Variants in TFAP2D observed in about 807,000 individuals in gnomAD.
The protein encoded by TFAP2D is transcription factor AP-2 delta, also known as transcription factor AP-2-delta.
TFAP2D carries 9 observed loss-of-function variants against 43.6 expected under a neutral mutation model. That is an observed-to-expected ratio of 0.21 (90% CI 0.12 to 0.36). TFAP2D has a LOEUF of 0.36. Ranked by LOEUF, TFAP2D falls within the 10% of genes least tolerant of loss-of-function variation. The pLI is 1.00. For synonymous variants in TFAP2D, 256 were observed against 224.9 expected (o/e 1.14, Z -1.24); for missense variants, 513 against 561.4 (o/e 0.91, Z 0.87).
In TFAP2D at chr6:50,713,842, G is replaced by A; in HGVS notation, c.-214G>A. The stretch of plus-strand genomic sequence containing the variant: ...AAATCTGTTCCAGGGAGCTGCTTTT[G>A]TGCAGAGGGAAAATTTTGTTCCTAC... On this transcript the variant is annotated 5_prime_UTR_variant, in exon 1 of 8. In the 5' UTR this introduces an upstream ATG that the reference lacks. Coordinates refer to ENST00000008391, the MANE Select transcript of TFAP2D (RefSeq NM_172238.4). The A allele has an allele frequency of 1.6e-6, 1 of 642,862 alleles. No homozygotes were observed. The highest frequency in any genetic ancestry group is 2.6e-6 in the Non-Finnish European group (1 of 378,104). The allele number at this position is 642,862 out of a possible 1,614,324, so 39.8% of individuals were successfully genotyped here.
At chr6:50,751,966 A>G (rs534600509) in intron 7 of TFAP2D, among the ~76,000 whole-genome samples, 5 of 152,004 alleles carry the variant, frequency 3.3e-5, no homozygotes, top group South Asian at 4.1e-4. Context: ...GCACTTTTGG[A>G]TGAGGGTTCT....
intron 5 of TFAP2D, among the ~76,000 whole-genome samples, chr6:50,738,515 A>C (rs1291351737): frequency 6.6e-6 from 1 of 151,972 alleles, no homozygotes; most frequent in Non-Finnish European, 1.5e-5. Context: ...ATGTGGTTTC[A>C]TTTTTCTATG....
chr6:50,763,728 T>G (rs1769401597), intron 7 of TFAP2D, among the ~76,000 whole-genome samples: 1 of 152,142 alleles, frequency 6.6e-6, no homozygotes, highest in Admixed American at 6.5e-5. Flanking sequence ...AAAATTATTA[T>G]ACTAAATGAA....
intron 7 of TFAP2D, among the ~76,000 whole-genome samples, chr6:50,757,533 CTA>C (rs5876187): frequency 0.087 from 4,440 of 50,870 alleles, 525 homozygotes; most frequent in East Asian, 0.2. Context: ...TATAATTATT[CTA>C]TATATATAGA....
chr6:50,772,782 G>C lies in TFAP2D; in HGVS notation c.1277G>C (p.Gly426Ala). 1 of 1,614,106 alleles carries C rather than the reference G, an allele frequency of 6.2e-7. No homozygotes were observed. Among genetic ancestry groups the C allele is most frequent in the Non-Finnish European group, 8.5e-7 (1 of 1,180,016 alleles). The stretch of plus-strand genomic sequence containing the variant: ...GGCGGAGCGGCGGATTCTGGCCAAG[G>C]ACATGCCAACTCGGAGAAAGCTCCC... ...KNGGAADSGQGHANSEKAPLR... is the reference protein window; with the variant it reads ...KNGGAADSGQAHANSEKAPLR... Residue 426 changes from glycine (G) to alanine (A), a missense_variant, in exon 8 of 8, where the codon GGA (glycine) becomes GCA (alanine). Around this residue, in one of 3 missense-constraint regions of TFAP2D, gnomAD observed 199 missense variants for 227.9 expected, o/e 0.87. Transcript: ENST00000008391.
At chr6:50,716,545 ATC>A (rs1768631078) in intron 2 of TFAP2D, among the ~76,000 whole-genome samples, 1 of 152,174 alleles carries the variant, frequency 6.6e-6, no homozygotes, top group Non-Finnish European at 1.5e-5. Flanking sequence ...CAATCAGATG[ATC>A]TCTCTTCTAC....
chr6:50,732,723 A>G (rs558956276), intron 5 of TFAP2D, among the ~76,000 whole-genome samples: 1 of 152,190 alleles, frequency 6.6e-6, no homozygotes, highest in African/African-American at 2.4e-5. Context: ...ATCAATGAAC[A>G]TAAGTGCCTT....
rs1262737330 is a variant in TFAP2D at position 50,745,176 on chromosome 6, G to A, written c.953G>A (p.Gly318Glu). 6.2e-7 allele frequency: 1 copy of A among 1,613,728 alleles called. No individual in the cohort carries two copies. The highest frequency in any genetic ancestry group is 1.1e-5 in the South Asian group (1 of 91,068). The change falls in exon 6 of 8, where the codon GGA becomes GAA. Residue 318 changes from glycine to glutamate, a missense_variant. Gly to Glu is a moderately conservative substitution (Grantham distance 98). This residue lies in a region of TFAP2D where 199 missense variants were observed against 227.9 expected (regional missense o/e 0.87). Transcript: ENST00000008391. The stretch of plus-strand genomic sequence containing the variant: ...ACAGAGTTTCCAGCCAAAGCAGTAG[G>A]AGAACATCTTGCCAGACAACATATG... The part of the protein sequence containing the change: ...CETEFPAKAV[G>E]EHLARQHMEQ...
intron 5 of TFAP2D, among the ~76,000 whole-genome samples, chr6:50,742,761 C>T (rs915886727): frequency 4.6e-5 from 7 of 151,964 alleles, no homozygotes; most frequent in African/African-American, 1.7e-4. Flanking sequence ...ATGGTATTAT[C>T]CTGTTAGTTA....
chr6:50,741,466 T>C (rs899557451), intron 5 of TFAP2D, among the ~76,000 whole-genome samples: 7 of 152,086 alleles, frequency 4.6e-5, no homozygotes, highest in African/African-American at 1.7e-4. Context: ...GACCCCTGTA[T>C]GTGTTGCTCC....
At chr6:50,725,492 A>G (rs560448300) in intron 3 of TFAP2D, among the ~76,000 whole-genome samples, 121 of 152,346 alleles carry the variant, frequency 7.9e-4, no homozygotes, top group African/African-American at 2.8e-3. Flanking sequence ...TTCTGCATGA[A>G]TACACTGGCT....
intron 5 of TFAP2D, among the ~76,000 whole-genome samples, chr6:50,731,148 C>T (rs1207838459): frequency 1.3e-5 from 2 of 151,992 alleles, no homozygotes; most frequent in African/African-American, 4.8e-5. Context: ...TCTTGCCATC[C>T]TACTCTTTCT....
intron 3 of TFAP2D, among the ~76,000 whole-genome samples, chr6:50,720,156 G>A (rs1768695531): frequency 6.6e-6 from 1 of 152,176 alleles, no homozygotes; most frequent in African/African-American, 2.4e-5. Flanking sequence ...GGCCACAGTT[G>A]TCTGCAGTAA....
chr6:50,726,667 G>T (rs113589212), intron 3 of TFAP2D, among the ~76,000 whole-genome samples: 26 of 152,122 alleles, frequency 1.7e-4, no homozygotes, highest in African/African-American at 6.0e-4. Context: ...CTCACAGTAT[G>T]ACTCTACACC....
intron 7 of TFAP2D, among the ~76,000 whole-genome samples, chr6:50,753,484 G>A (rs1166002519): frequency 6.6e-6 from 1 of 151,870 alleles, no homozygotes; most frequent in Non-Finnish European, 1.5e-5. Flanking sequence ...AACATGAGCT[G>A]AGCATTTTCT....
intron 5 of TFAP2D, among the ~76,000 whole-genome samples, 192 bp downstream of exon 5, chr6:50,729,504 T>A (rs557535124): frequency 6.6e-6 from 1 of 152,342 alleles, no homozygotes; most frequent in Admixed American, 6.5e-5. Context: ...TCATAAAATA[T>A]CATTTAATTT....
At chr6:50,714,161 CGGTGGCGGCGGCGGT>C in intron 1 of TFAP2D, 67 bp downstream of exon 1, 1 of 1,523,006 alleles carries the variant, frequency 6.6e-7, no homozygotes, top group Non-Finnish European at 8.8e-7. Flanking sequence ...GCGGTGGCGG[CGGTGGCGGCGGCGGT>C]GGCAGCCTCC....
intron 7 of TFAP2D, among the ~76,000 whole-genome samples, chr6:50,766,573 A>C (rs1769444400): frequency 6.6e-6 from 1 of 150,410 alleles, no homozygotes; most frequent in East Asian, 1.9e-4. Context: ...CAGATCTTTA[A>C]TCCTCTGTGG....
chr6:50,757,170 A>C (rs1409164241), intron 7 of TFAP2D, among the ~76,000 whole-genome samples: 2 of 150,796 alleles, frequency 1.3e-5, no homozygotes, highest in Admixed American at 1.3e-4. Context: ...TGTTTCTACT[A>C]TGTTAATGGC....
Sources: allele counts gnomAD v4.1 joint callset (sites outside exome capture counted in the v4.1 genomes callset), GRCh38; gene constraint gnomAD v4.1.1; regional missense constraint gnomAD v4.1.1; transcripts MANE v1.5; gene names NCBI Gene and HGNC (gene_info 2026-07-23, HGNC 2026-07-21).